The following FBXL14 variants were observed in gnomAD, a reference collection of about 807,000 sequenced individuals.
FBXL14 encodes F-box and leucine rich repeat protein 14, also known as F-box/LRR-repeat protein 14.
In FBXL14, 11 loss-of-function variants were observed where a neutral mutation model predicts 24.5. The ratio of observed to expected loss-of-function variants is 0.45; its 90% CI spans 0.28 to 0.74. The LOEUF (loss-of-function observed/expected upper bound fraction) is 0.74. FBXL14 is among the 30% of genes least tolerant of loss of function. The pLI is 0.12. For missense variants in FBXL14, 384 were observed against 545.6 expected (o/e 0.70, Z 2.95); for synonymous variants, 294 against 240.4 (o/e 1.22, Z -2.06).
rs1245734488 is a variant in FBXL14 at position 1,566,021 on chromosome 12, T to G, written c.*727A>C. On this transcript the variant is annotated 3_prime_UTR_variant, in exon 2 of 2. Transcript: ENST00000339235. ...AATCTATAAAGGGAAGACAGATATA[T>G]TCTACATTGTTCCCATTAAAATGGA... 6.6e-6 allele frequency: 1 copy of G among 152,630 alleles called. No individual in the cohort carries two copies. The highest frequency in any genetic ancestry group is 1.5e-5 in the Non-Finnish European group (1 of 68,054). The allele number at this position is 152,630 out of a possible 1,614,324, so 9.5% of individuals were successfully genotyped here.
intron 1 of FBXL14, among the ~76,000 whole-genome samples, chr12:1,589,126 G>A (rs1002115435): frequency 1.5e-4 from 23 of 150,466 alleles, no homozygotes; most frequent in Non-Finnish European, 1.6e-4. Flanking sequence ...AGTGGCTCAC[G>A]CCTGTAATCC....
intron 1 of FBXL14, among the ~76,000 whole-genome samples, chr12:1,575,938 TCTC>T (rs2094455054): frequency 6.6e-6 from 1 of 152,154 alleles, no homozygotes; most frequent in African/African-American, 2.4e-5. Flanking sequence ...CAGAGGCACT[TCTC>T]TTGCTGAGGA....
chr12:1,578,294 T>C (rs2094459768), intron 1 of FBXL14, among the ~76,000 whole-genome samples: 1 of 152,256 alleles, frequency 6.6e-6, no homozygotes, highest in African/African-American at 2.4e-5. Flanking sequence ...TTTATCAAAT[T>C]ATTGTTTCTA....
chr12:1,571,818 C>T (rs1002302615), intron 1 of FBXL14, among the ~76,000 whole-genome samples: 4 of 152,180 alleles, frequency 2.6e-5, no homozygotes, highest in African/African-American at 9.7e-5. Context: ...GCCTAATGTA[C>T]TGAGTGTATC....
chr12:1,587,591 A>G (rs2094479581), intron 1 of FBXL14: 1 of 152,206 alleles, frequency 6.6e-6, no homozygotes, highest in South Asian at 2.1e-4. Flanking sequence ...AAATTTACCA[A>G]TTGTCTAGAA....
chr12:1,591,847 T>C (rs2094490909), intron 1 of FBXL14, among the ~76,000 whole-genome samples: 1 of 152,038 alleles, frequency 6.6e-6, no homozygotes, highest in South Asian at 2.1e-4. Flanking sequence ...AGGGCAGAAT[T>C]TGCATATATA....
intron 1 of FBXL14, among the ~76,000 whole-genome samples, chr12:1,584,176 C>T (rs1481320131): frequency 6.6e-6 from 1 of 151,790 alleles, no homozygotes; most frequent in Admixed American, 6.6e-5. Flanking sequence ...GAGACCCTGT[C>T]TCTACAAAAA....
At position 1,593,224 on chromosome 12, in the gene FBXL14, G is replaced by C. The variant is rs1458595113; in HGVS notation, c.843C>G (p.Leu281=). ...IMHLAMGSLR[L]SGLDVSFCDK... Reference sequence around the variant, plus strand: ...CACAGAACGAAACATCCAGCCCCGAGAGGCGCAGGCTGCCCATGGCCAGAT... The same window carrying C: ...CACAGAACGAAACATCCAGCCCCGACAGGCGCAGGCTGCCCATGGCCAGAT... Residue 281 remains leucine (L), a synonymous_variant, in exon 1 of 2, where the codon CTC becomes CTG. Transcript: ENST00000339235. This position sits in a 1 kb window ranked among gnomAD's most constrained non-coding sequence, Gnocchi z 7.4. The C allele has an allele frequency of 4.3e-6, 7 of 1,612,772 alleles. No individual in the cohort carries two copies. The African/African-American group carries it at 9.3e-5, about 22-fold the overall frequency.
chr12:1,581,039 G>A (rs762834314), intron 1 of FBXL14, among the ~76,000 whole-genome samples: 11 of 152,222 alleles, frequency 7.2e-5, no homozygotes, highest in Non-Finnish European at 1.2e-4. Flanking sequence ...GCTTCAGTGT[G>A]TAGACGGCCG....
chr12:1,586,597 A>T (rs1166798156), intron 1 of FBXL14, among the ~76,000 whole-genome samples: 3 of 152,170 alleles, frequency 2.0e-5, no homozygotes, highest in African/African-American at 7.2e-5. Context: ...TTGGTCATTA[A>T]GTCTAGAGCA....
At chr12:1,566,969 G>T (rs760202254) in intron 1 of FBXL14, among the ~76,000 whole-genome samples, 159 bp from the exon 2 acceptor site, 1 of 152,052 alleles carries the variant, frequency 6.6e-6, no homozygotes, top group Non-Finnish European at 1.5e-5. Context: ...GCCATCTCCC[G>T]GCTCACTTAA....
intron 1 of FBXL14, among the ~76,000 whole-genome samples, chr12:1,585,365 T>G (rs1016546421): frequency 1.3e-5 from 2 of 148,966 alleles, no homozygotes; most frequent in African/African-American, 5.0e-5. Context: ...GCCACTGTAC[T>G]CCAGCCTGGG....
At chr12:1,577,318 G>C (rs2094457818) in intron 1 of FBXL14, among the ~76,000 whole-genome samples, 1 of 152,118 alleles carries the variant, frequency 6.6e-6, no homozygotes, top group South Asian at 2.1e-4. Flanking sequence ...GGGGCCAAAG[G>C]ATGTAGCCCC....
chr12:1,581,309 G>A (rs2094465855), intron 1 of FBXL14, among the ~76,000 whole-genome samples: 2 of 152,214 alleles, frequency 1.3e-5, no homozygotes, highest in African/African-American at 4.8e-5. Flanking sequence ...TGTCCGGGCT[G>A]TGTGGATTTG....
chr12:1,575,163 C>T (rs2094453444), intron 1 of FBXL14, among the ~76,000 whole-genome samples: 2 of 152,066 alleles, frequency 1.3e-5, no homozygotes, highest in Non-Finnish European at 2.9e-5. Flanking sequence ...TAAACAAAAC[C>T]CCAAGGGAGA....
Position 1,593,984 on chromosome 12 carries a change from G to A in FBXL14, c.83C>T (p.Ala28Val). 6.3e-7 allele frequency: 1 copy of A among 1,585,336 alleles called. No individual in the cohort carries two copies. The highest frequency in any genetic ancestry group is 1.7e-5 in the Admixed American group (1 of 57,882). The stretch of plus-strand genomic sequence containing the variant: ...CCGCCAGGCGGTGCACACCTGCGCC[G>A]CGCGCCCCTTGTCCCGGACGTCCAG... ...GYLDVRDKGR[A>V]AQVCTAWRDA... The change falls in exon 1 of 2, where the codon GCG (alanine) becomes GTG (valine). Residue 28 changes from alanine to valine, a missense_variant. Transcript: ENST00000339235. The surrounding 1 kb of genome is among the most constrained non-coding windows in gnomAD (Gnocchi z 7.4).
chr12:1,593,979 G>T lies in FBXL14; in HGVS notation c.88C>A (p.Gln30Lys). ...LDVRDKGRAAQVCTAWRDAAY... is the reference protein window; with the variant it reads ...LDVRDKGRAAKVCTAWRDAAY... ...GCGTCCCGCCAGGCGGTGCACACCT[G>T]CGCCGCGCGCCCCTTGTCCCGGACG... The change falls in exon 1 of 2, where the codon CAG becomes AAG. Residue 30 changes from glutamine (Q) to lysine (K), a missense_variant. Gln to Lys is a moderately conservative substitution (Grantham distance 53, BLOSUM62 1). Transcript: ENST00000339235. The surrounding 1 kb of genome is among the most constrained non-coding windows in gnomAD (Gnocchi z 7.4). The T allele has an allele frequency of 6.3e-7, 1 of 1,585,748 alleles. No individual in the cohort carries two copies. The highest frequency in any genetic ancestry group is 8.5e-7 in the Non-Finnish European group (1 of 1,173,962).
In FBXL14 at chr12:1,593,590, A is replaced by G. The variant is rs2154438459; in HGVS notation, c.477T>C (p.Thr159=). The change falls in exon 1 of 2, where the codon ACT becomes ACC. Residue 159 remains threonine, a synonymous_variant. Coordinates refer to ENST00000339235, the MANE Select transcript of FBXL14 (RefSeq NM_152441.3). The surrounding 1 kb of genome is among the most constrained non-coding windows in gnomAD (Gnocchi z 7.4). ...GACCCCAGGCGATGAGCAGAAGGCCAGTGTTGGTGATGTTGCTGCAACCTC... is the reference window on the plus strand; with the variant it reads ...GACCCCAGGCGATGAGCAGAAGGCCGGTGTTGGTGATGTTGCTGCAACCTC... ...ELGGCSNITN[T]GLLLIAWGLQ... 1.2e-6 allele frequency: 2 copies of G among 1,614,156 alleles called. No homozygotes were observed. The highest frequency in any genetic ancestry group is 1.1e-5 in the South Asian group (1 of 91,086).
At chr12:1,568,832 G>T (rs2094440517) in intron 1 of FBXL14, among the ~76,000 whole-genome samples, 1 of 152,148 alleles carries the variant, frequency 6.6e-6, no homozygotes. Context: ...TTGCCCTCCA[G>T]CCTGGGTGAC....
Sources: allele counts gnomAD v4.1 joint callset (sites outside exome capture counted in the v4.1 genomes callset), GRCh38; gene constraint gnomAD v4.1.1; non-coding constraint Gnocchi (gnomAD v3.1); transcripts MANE v1.5; gene names NCBI Gene and HGNC (gene_info 2026-07-23, HGNC 2026-07-21).